The following NPSR1 variants were observed in gnomAD, a reference collection of about 807,000 sequenced individuals.
NPSR1 encodes the protein neuropeptide S receptor 1, also known as neuropeptide S receptor.
In NPSR1, 48 loss-of-function variants were observed where a neutral mutation model predicts 46.9. The observed-to-expected ratio is 1.02, with a 90% confidence interval of 0.81 to 1.30. The LOEUF is 1.30. Ranked by LOEUF, NPSR1 falls within the 50% of genes most tolerant of loss-of-function variation. NPSR1 has a pLI of 0.00. For missense variants in NPSR1, 450 were observed against 449.5 expected, an observed-to-expected ratio of 1.00 and a Z score of -0.01; for synonymous variants, 176 against 168.1, an observed-to-expected ratio of 1.05 and a Z score of -0.36.
chr7:34,678,231 T>G (rs891196460), intron 1 of NPSR1, among the ~76,000 whole-genome samples: 2 of 145,540 alleles, frequency 1.4e-5, no homozygotes, highest in Admixed American at 1.4e-4. Flanking sequence ...TTTTTTTTTT[T>G]TTTTTTTTTT....
chr7:34,676,211 T>C (rs1792309237), intron 1 of NPSR1, among the ~76,000 whole-genome samples: 1 of 152,202 alleles, frequency 6.6e-6, no homozygotes, highest in South Asian at 2.1e-4. Context: ...ATTGCATATC[T>C]ACTATGTAAC....
intron 2 of NPSR1, among the ~76,000 whole-genome samples, chr7:34,732,155 T>A (rs1784453611): frequency 6.6e-6 from 1 of 151,548 alleles, no homozygotes. Flanking sequence ...ATACTAAAAG[T>A]CTATCATGTA....
At chr7:34,790,947 T>TATATGTTATATGTTATATTATATATC (rs1340029231) in intron 3 of NPSR1, among the ~76,000 whole-genome samples, 1 of 90,254 alleles carries the variant, frequency 1.1e-5, no homozygotes, top group African/African-American at 3.4e-5. Flanking sequence ...TTATATATCA[T>TATATGTTATATGTTATATTATATATC]ATATGTTATA....
chr7:34,718,972 T>C (rs1159252774), intron 2 of NPSR1: 1 of 152,288 alleles, frequency 6.6e-6, no homozygotes, highest in Non-Finnish European at 1.5e-5. Flanking sequence ...AAGTGCCCAG[T>C]ACACAGGAAG....
Position 34,827,381 on chromosome 7 carries a change from C to T in NPSR1, c.479-20C>T. On this transcript the variant is annotated intron_variant, in intron 4 of 8. Coordinates refer to ENST00000360581, the MANE Select transcript of NPSR1 (RefSeq NM_207172.2). ...AATGGTTGCCACATACCCAGACATT[C>T]CTCTCTTTTCTTTGGGCAGAAAAGC... 1.9e-6 allele frequency: 3 copies of T among 1,612,156 alleles called. No homozygotes were observed. The highest frequency in any genetic ancestry group is 3.3e-4 in the Middle Eastern group (2 of 6,044).
intron 1 of NPSR1, among the ~76,000 whole-genome samples, chr7:34,675,241 AC>A: frequency 6.6e-6 from 1 of 152,332 alleles, no homozygotes; most frequent in East Asian, 1.9e-4. Flanking sequence ...TTGTGCACCT[AC>A]TACATACATT....
chr7:34,845,718 A>C (rs1173271486), intron 7 of NPSR1: 2 of 386,626 alleles, frequency 5.2e-6, no homozygotes, highest in East Asian at 1.5e-4. Flanking sequence ...TAATAAATCT[A>C]TGAGGGCAAT....
intron 2 of NPSR1, among the ~76,000 whole-genome samples, chr7:34,732,002 G>A (rs1046191888): frequency 1.0e-4 from 15 of 144,160 alleles, no homozygotes; most frequent in African/African-American, 3.6e-4. Flanking sequence ...CCAACATGGC[G>A]AAACTCTATC....
chr7:34,801,585 A>G (rs1788415688), intron 3 of NPSR1, among the ~76,000 whole-genome samples: 3 of 142,272 alleles, frequency 2.1e-5, no homozygotes, highest in South Asian at 4.4e-4. Context: ...AATAAGAGCT[A>G]TCTATGACAA....
intron 3 of NPSR1, among the ~76,000 whole-genome samples, chr7:34,792,653 G>GTATATATATATTTATATATATATGTA (rs1787950233): frequency 5.6e-5 from 5 of 89,462 alleles, no homozygotes; most frequent in South Asian, 3.1e-4. Flanking sequence ...ATATATATAT[G>GTATATATATATTTATATATATATGTA]TATATATATA....
intron 2 of NPSR1, chr7:34,685,656 TA>T: frequency 2.4e-6 from 1 of 411,306 alleles, no homozygotes; most frequent in Non-Finnish European, 4.8e-6. Context: ...TCTTGAGCCA[TA>T]ATATTTCAAA....
rs945080746 is a variant in NPSR1 at position 34,755,511 on chromosome 7, G to A, written c.281-22951G>A. Among the ~76,000 whole-genome samples, 10 of 152,254 alleles carry A rather than the reference G, an allele frequency of 6.6e-5. 1 individual carries two copies. Among genetic ancestry groups the A allele is most frequent in the Admixed American group, 4.6e-4 (7 of 15,286 alleles). On this transcript the variant is annotated intron_variant, in intron 2 of 8. Coordinates refer to ENST00000360581, the MANE Select transcript of NPSR1 (RefSeq NM_207172.2). ...TTGCAGACAGTTTACTATCCTTATT[G>A]AATGGTGTTCTACTGTGTGAACATA...
At chr7:34,721,106 G>T (rs1366579371) in intron 2 of NPSR1, among the ~76,000 whole-genome samples, 1 of 152,142 alleles carries the variant, frequency 6.6e-6, no homozygotes, top group African/African-American at 2.4e-5. Flanking sequence ...AAGCAAAAAG[G>T]CAGGGAGGGT....
At chr7:34,786,516 A>T (rs1033972142) in intron 3 of NPSR1, among the ~76,000 whole-genome samples, 6 of 152,142 alleles carry the variant, frequency 3.9e-5, no homozygotes, top group Admixed American at 1.3e-4. Flanking sequence ...TAAATCATGA[A>T]TGTTCTTAAT....
intron 8 of NPSR1, 48 bp downstream of exon 8, chr7:34,848,711 T>C: frequency 6.5e-7 from 1 of 1,532,300 alleles, no homozygotes; most frequent in South Asian, 1.2e-5. Context: ...GCCATTGCAC[T>C]GGGATTCTGC....
At chr7:34,864,491 T>G (rs1239258564) in intron 8 of NPSR1, among the ~76,000 whole-genome samples, 1 of 151,818 alleles carries the variant, frequency 6.6e-6, no homozygotes, top group Non-Finnish European at 1.5e-5. Flanking sequence ...ATTAAATGAT[T>G]AAGTTCAATG....
At chr7:34,777,840 G>A (rs1410521059) in intron 2 of NPSR1, among the ~76,000 whole-genome samples, 1 of 152,064 alleles carries the variant, frequency 6.6e-6, no homozygotes, top group Non-Finnish European at 1.5e-5. Context: ...GAGTACAGAT[G>A]ACCTGCCCAC....
chr7:34,663,330 A>G (rs1046310886), intron 1 of NPSR1, among the ~76,000 whole-genome samples: 1 of 151,906 alleles, frequency 6.6e-6, no homozygotes. Context: ...CTGTCTCTCA[A>G]TCCCAGCGAT....
At chr7:34,795,026 G>A (rs185095591) in intron 3 of NPSR1, among the ~76,000 whole-genome samples, 11 of 152,074 alleles carry the variant, frequency 7.2e-5, no homozygotes, top group Admixed American at 7.2e-4. Flanking sequence ...GTGACAGAGT[G>A]AGACCCTATC....
Sources: gnomAD v4.1 joint callset for allele counts (sites outside exome capture counted in the v4.1 genomes callset) on GRCh38, gnomAD v4.1.1 for gene constraint, MANE v1.5 for transcripts, NCBI Gene and HGNC (gene_info 2026-07-23, HGNC 2026-07-21) for gene names.